PAPLN: variants seen among roughly 807,000 people sequenced by gnomAD.
PAPLN encodes the protein papilin, proteoglycan like sulfated glycoprotein, also known as papilin.
In PAPLN, 146 loss-of-function variants were observed where a neutral mutation model predicts 159.0. The ratio of observed to expected loss-of-function variants is 0.92; its 90% confidence interval spans 0.80 to 1.05. The LOEUF (loss-of-function observed/expected upper bound fraction) is 1.05. Ranked by LOEUF, PAPLN falls within the 50% of genes least tolerant of loss-of-function variation. The probability of loss-of-function intolerance (pLI) is 0.00; values close to 1 mark genes in which losing one functional copy is unlikely to be tolerated. For missense variants in PAPLN, 1,720 were observed against 1,743.9 expected, an observed-to-expected ratio of 0.99 and a Z score of 0.24; for synonymous variants, 734 against 702.9, an observed-to-expected ratio of 1.04 and a Z score of -0.70.
chr14:73,259,351 C>T lies in PAPLN; in HGVS notation c.1791C>T (p.Gly597=), dbSNP rs766691028. 22 of 1,611,418 alleles carry T rather than the reference C, an allele frequency of 1.4e-5. No homozygotes were observed. Among genetic ancestry groups the T allele is most frequent in the African/African-American group, 4.0e-5 (3 of 74,870 alleles). The stretch of plus-strand genomic sequence containing the variant: ...GGGGAGAACGAGGTGACCCCAGGGG[C>T]GACCAAGGCACCCACCTGTCAGCCC... ...DHRGERGDPR[G]DQGTHLSALG... Residue 597 remains glycine, a synonymous_variant, in exon 16 of 27, where the codon GGC becomes GGT. Transcript: ENST00000644200.
chr14:73,240,690 G>C (rs995607383), intron 2 of PAPLN, among the ~76,000 whole-genome samples: 2 of 152,228 alleles, frequency 1.3e-5, no homozygotes, highest in Non-Finnish European at 2.9e-5. Flanking sequence ...GAAGCTGGCT[G>C]GTGGTCAGAG....
Position 73,272,678 on chromosome 14 carries a change from T to A in PAPLN, c.*14T>A. 6.5e-7 allele frequency: 1 copy of A among 1,549,152 alleles called. No homozygotes were observed. The highest frequency in any genetic ancestry group is 8.8e-7 in the Non-Finnish European group (1 of 1,135,198). ...ATCTGGCAGTAGGGATGAAGGCTAG[T>A]TCCAGCCCCAGTCCAAAATAGTTCA... On this transcript the variant is annotated 3_prime_UTR_variant, in exon 27 of 27. Transcript: ENST00000644200.
Position 73,250,014 on chromosome 14 carries a change from C to T in PAPLN, c.365C>T (p.Pro122Leu). 1 of 1,612,216 alleles carries T rather than the reference C, an allele frequency of 6.2e-7. No homozygotes were observed. The highest frequency in any genetic ancestry group is 8.5e-7 in the Non-Finnish European group (1 of 1,179,200). The change falls in exon 6 of 27, where the codon CCC becomes CTC. Residue 122 changes from proline (P) to leucine (L), a missense_variant. Physicochemically the swap from Pro to Leu is moderately conservative, Grantham distance 98. Transcript: ENST00000644200. The part of the protein sequence containing the change: ...APNKCELNCI[P>L]KGENFYYKHR... ...AACAAGTGTGAACTGAACTGCATTC[C>T]CAAGGGGGAGAACTTCTACTACAAG...
At position 73,251,772 on chromosome 14, in the gene PAPLN, A is replaced by AG. The variant is rs759567861; in HGVS notation, c.784dup (p.Asp262GlyfsTer5). The AG allele has an allele frequency of 6.2e-7, 1 of 1,606,232 alleles. No individual in the cohort carries two copies. The highest frequency in any genetic ancestry group is 1.1e-5 in the South Asian group (1 of 90,780). On this transcript the variant is annotated frameshift_variant, in exon 9 of 27. Transcript: ENST00000644200. LOFTEE classifies it high-confidence loss of function. ...ATCCTGCATTACGAGCGGGGTGCTG[A>AG]GGGGGACCTGGCCCCTGAGCGACTC...
chr14:73,258,889 G>C, intron 14 of PAPLN, 90 bp from the exon 15 acceptor site: 1 of 1,237,092 alleles, frequency 8.1e-7, no homozygotes. Context: ...CAGTGGGGTA[G>C]AAGCCAGTGC....
At chr14:73,272,436 G>C in intron 26 of PAPLN, 59 bp from the exon 27 acceptor site, 1 of 1,407,970 alleles carries the variant, frequency 7.1e-7, no homozygotes, top group Non-Finnish European at 9.4e-7. Context: ...TGGCAGGTGA[G>C]AATTTTCAGC....
chr14:73,259,052 T>G lies in PAPLN; in HGVS notation c.1701T>G (p.Pro567=). 6.2e-7 allele frequency: 1 copy of G among 1,610,852 alleles called. No individual in the cohort carries two copies. The highest frequency in any genetic ancestry group is 8.5e-7 in the Non-Finnish European group (1 of 1,178,474). ...PWMPLGPQES[P]ASDSRGQWWA... ...TGCCGTTGGGCCCTCAGGAGTCCCC[T>G]GCCTCAGGTGAGAGCCTGGTCCCGT... The change falls in exon 15 of 27, where the codon CCT becomes CCG. Residue 567 remains proline (P), a synonymous_variant. Coordinates refer to ENST00000644200, the MANE Select transcript of PAPLN (RefSeq NM_001365906.3).
intron 2 of PAPLN, chr14:73,242,956 G>A (rs777573181): frequency 6.6e-6 from 1 of 152,222 alleles, no homozygotes; most frequent in Non-Finnish European, 1.5e-5. Context: ...GAGATTCAGC[G>A]AAGCTGCTCA....
At position 73,265,706 on chromosome 14, in the gene PAPLN, A is replaced by G. The variant is rs1333727961; in HGVS notation, c.3263+199A>G. On this transcript the variant is annotated intron_variant, in intron 23 of 26. Coordinates refer to ENST00000644200, the MANE Select transcript of PAPLN (RefSeq NM_001365906.3). The surrounding 1 kb of genome is among the most constrained non-coding windows in gnomAD (Gnocchi z 4.1). ...ATTTGAGTCTCTGGGCCTTTCCAGA[A>G]TGTGGTTAGTGGACAGAAATAAGAG... Among the ~76,000 whole-genome samples, 1 of 152,228 alleles carries G rather than the reference A, an allele frequency of 6.6e-6. No individual in the cohort carries two copies. Among genetic ancestry groups the G allele is most frequent in the Non-Finnish European group, 1.5e-5 (1 of 68,042 alleles).
Position 73,259,304 on chromosome 14 carries a change from C to A in PAPLN, c.1744C>A (p.Pro582Thr). The A allele has an allele frequency of 1.9e-6, 3 of 1,588,318 alleles. No homozygotes were observed. Among genetic ancestry groups the A allele is most frequent in the Non-Finnish European group, 2.6e-6 (3 of 1,165,000 alleles). The change falls in exon 16 of 27, where the codon CCC (proline) becomes ACC (threonine). Residue 582 changes from proline (P) to threonine (T), a missense_variant. By Grantham distance (38) the Pro-to-Thr change is conservative. Transcript: ENST00000644200. ...CCAGTGGTGGGCAGCCCAGGAACAC[C>A]CCTCAGCCAGGGGTGACCACAGGGG... The part of the protein sequence containing the change: ...RGQWWAAQEH[P>T]SARGDHRGER...
rs554210169 is a variant in PAPLN, at chr14:73,259,150, G to A, written c.1708+91G>A. The A allele has an allele frequency of 2.3e-4, 353 of 1,529,578 alleles. 3 individuals are homozygous for A. The South Asian group carries it at 3.6e-3, about 16-fold the overall frequency. 94.8% of individuals were successfully genotyped at this position (1,529,578 alleles called of 1,614,324 possible). A position where few individuals can be genotyped will look rare whatever the true frequency, so the allele number is the denominator to read the frequency against. On this transcript the variant is annotated intron_variant, in intron 15 of 26. Transcript: ENST00000644200. The stretch of plus-strand genomic sequence containing the variant: ...GGGGGTGTGGGGGTCACAGTTGGGT[G>A]CAGCCATGGTGGAAGGGAGAATGGT...
At chr14:73,258,116 T>C (rs1315696064) in intron 14 of PAPLN, among the ~76,000 whole-genome samples, 3 of 152,216 alleles carry the variant, frequency 2.0e-5, no homozygotes, top group South Asian at 4.1e-4. Context: ...TTTTTAAATA[T>C]GGAATTTTTT....
In PAPLN at chr14:73,239,444, T is replaced by G. The variant is rs1042117353; in HGVS notation, c.-6-329T>G. Among the ~76,000 whole-genome samples, 5 of 152,270 alleles carry G rather than the reference T, an allele frequency of 3.3e-5. No homozygotes were observed. In the East Asian group the frequency reaches 7.7e-4, roughly 23 times the overall value. ...CTTGCTGAATTAAAAGTGAGTCTAA[T>G]TACTCGGATTCTGAACTTGTTTTTC... On this transcript the variant is annotated intron_variant, in intron 1 of 26. Transcript: ENST00000644200.
rs923564507 is a variant in PAPLN at position 73,239,715 on chromosome 14, C to T, written c.-6-58C>T. ...AGAGACGCGCCCACACACTCTCGCC[C>T]GCGCCCAGGACAGCTGCGGGAGCCC... On this transcript the variant is annotated intron_variant, in intron 1 of 26. Coordinates refer to ENST00000644200, the MANE Select transcript of PAPLN (RefSeq NM_001365906.3). The T allele has an allele frequency of 3.3e-6, 5 of 1,534,278 alleles. No individual in the cohort carries two copies. The African/African-American group carries it at 5.5e-5, about 17-fold the overall frequency.
intron 2 of PAPLN, chr14:73,243,382 G>A (rs1005678246): frequency 1.3e-5 from 2 of 152,204 alleles, no homozygotes; most frequent in African/African-American, 4.8e-5. Flanking sequence ...CTAAAAGAAA[G>A]TCCCCTTCCA....
Position 73,252,137 on chromosome 14 carries a change from C to G in PAPLN, c.963C>G (p.Gly321=), listed in dbSNP as rs147169507. ...GSWSDCSAEC[G]GGHQSRLVFC... is the part of the protein sequence containing the mutation. ...GGAGTGACTGCAGCGCGGAGTGTGG[C>G]GGAGGTGCGGGCGTGGATGGCCCAG... Residue 321 remains glycine, a synonymous_variant, in exon 10 of 27, where the codon GGC becomes GGG. Transcript: ENST00000644200. The G allele has an allele frequency of 6.2e-7, 1 of 1,600,516 alleles. No individual in the cohort carries two copies. The highest frequency in any genetic ancestry group is 2.2e-5 in the East Asian group (1 of 44,468).
At chr14:73,236,271 T>A (rs1883030275), upstream of PAPLN, among the ~76,000 whole-genome samples, 1 of 152,176 alleles carries the variant, frequency 6.6e-6, no homozygotes, top group South Asian at 2.1e-4. Flanking sequence ...TGCTAATTAG[T>A]GCCCTGGCAC....
rs1884082405 is a variant in PAPLN, at chr14:73,245,244, C to G, written c.171-392C>G. Reference sequence around the variant, plus strand: ...TTGTATAGGGGTTGTTCCTGAGAACCCTATGTGAGGAGGAATGAGAGACCA... The same window carrying G: ...TTGTATAGGGGTTGTTCCTGAGAACGCTATGTGAGGAGGAATGAGAGACCA... On this transcript the variant is annotated intron_variant, in intron 3 of 26. Coordinates refer to ENST00000644200, the MANE Select transcript of PAPLN (RefSeq NM_001365906.3). The surrounding 1 kb of genome is among the most constrained non-coding windows in gnomAD (Gnocchi z 4.2). The G allele has an allele frequency of 4.4e-6, 1 of 229,640 alleles. No individual in the cohort carries two copies. Among genetic ancestry groups the G allele is most frequent in the Non-Finnish European group, 8.7e-6 (1 of 114,676 alleles). The allele number at this position is 229,640 out of a possible 1,614,324, so 14.2% of individuals were successfully genotyped here. A position where few individuals can be genotyped will look rare whatever the true frequency, so the allele number is the denominator to read the frequency against.
intron 12 of PAPLN, 125 bp from the exon 13 acceptor site, chr14:73,254,388 T>C: frequency 2.5e-6 from 3 of 1,219,824 alleles, no homozygotes; most frequent in South Asian, 1.4e-5. Context: ...TCTCTGGGCC[T>C]GGGAAGGACA....
Sources: allele counts gnomAD v4.1 joint callset (sites outside exome capture counted in the v4.1 genomes callset), GRCh38; gene constraint gnomAD v4.1.1; non-coding constraint Gnocchi (gnomAD v3.1); transcripts MANE v1.5; gene names NCBI Gene and HGNC (gene_info 2026-07-23, HGNC 2026-07-21).